KCNQ5: variants seen among roughly 807,000 people sequenced by gnomAD.
KCNQ5 encodes the protein potassium voltage-gated channel subfamily KQT member 5.
KCNQ5 carries 30 observed loss-of-function variants against 98.2 expected under a neutral mutation model. That is an observed-to-expected ratio of 0.31 (90% CI 0.23 to 0.41). KCNQ5 has a LOEUF of 0.41. Ranked by LOEUF, KCNQ5 falls within the 10% of genes least tolerant of loss-of-function variation. The pLI is 1.00. For synonymous variants in KCNQ5, 458 were observed against 449.4 expected (o/e 1.02, Z -0.24); for missense variants, 835 against 1,182.5 (o/e 0.71, Z 4.31).
intron 12 of KCNQ5, 49 bp downstream of exon 12, chr6:73,190,753 A>T (rs761746564): frequency 9.0e-6 from 12 of 1,329,708 alleles, no homozygotes; most frequent in Non-Finnish European, 1.1e-5. Context: ...CATAGAACCT[A>T]TCTAGGAAGA....
intron 1 of KCNQ5, among the ~76,000 whole-genome samples, chr6:72,665,670 T>C (rs2154473111): frequency 6.6e-6 from 1 of 152,330 alleles, no homozygotes; most frequent in South Asian, 2.1e-4. Context: ...ACTATATTTT[T>C]CATGGATAGT....
In KCNQ5 at chr6:73,198,211, G is replaced by A. The variant is rs1297536655; in HGVS notation, c.*2797G>A. On this transcript the variant is annotated 3_prime_UTR_variant, in exon 14 of 14. Transcript: ENST00000370398. ...GTGTGTCTGCCTTCTTCAACATGTA[G>A]GGTTGATCAAGCTAATACTTAATTG... The A allele has an allele frequency of 6.6e-6, 1 of 152,138 alleles. No individual in the cohort carries two copies. The highest frequency in any genetic ancestry group is 1.5e-5 in the Non-Finnish European group (1 of 68,036). The allele number at this position is 152,138 out of a possible 1,614,324, so 9.4% of individuals were successfully genotyped here.
At chr6:72,850,332 A>G (rs1777201192) in intron 1 of KCNQ5, among the ~76,000 whole-genome samples, 1 of 152,352 alleles carries the variant, frequency 6.6e-6, no homozygotes, top group African/African-American at 2.4e-5. Flanking sequence ...GGCACGATCT[A>G]TAATGGCATT....
chr6:72,880,454 C>T (rs1778595132), intron 1 of KCNQ5, among the ~76,000 whole-genome samples: 1 of 152,180 alleles, frequency 6.6e-6, no homozygotes, highest in South Asian at 2.1e-4. Context: ...AAAGGCCCAA[C>T]CTCCAAATAT....
chr6:72,645,223 A>AC (rs1554681989), intron 1 of KCNQ5, among the ~76,000 whole-genome samples: 1 of 150,994 alleles, frequency 6.6e-6, no homozygotes, highest in Non-Finnish European at 1.5e-5. Flanking sequence ...ACAAAAAAAA[A>AC]CAAAAAAAAC....
chr6:72,880,408 T>G (rs1778592822), intron 1 of KCNQ5, among the ~76,000 whole-genome samples: 1 of 152,162 alleles, frequency 6.6e-6, no homozygotes, highest in African/African-American at 2.4e-5. Context: ...CTAGTCCCAT[T>G]CATGAGGCTT....
At chr6:73,130,882 G>A (rs1278194716) in intron 9 of KCNQ5, among the ~76,000 whole-genome samples, 1 of 152,164 alleles carries the variant, frequency 6.6e-6, no homozygotes, top group Non-Finnish European at 1.5e-5. Flanking sequence ...TATGTCAAAA[G>A]AGAAAGTGAA....
intron 1 of KCNQ5, among the ~76,000 whole-genome samples, chr6:72,687,630 C>T (rs1209818557): frequency 6.6e-6 from 1 of 152,138 alleles, no homozygotes; most frequent in Non-Finnish European, 1.5e-5. Context: ...AAGTGCTAGG[C>T]AAATGATGGA....
chr6:73,169,947 C>G, intron 11 of KCNQ5, 93 bp downstream of exon 11: 1 of 780,220 alleles, frequency 1.3e-6, no homozygotes, highest in South Asian at 1.5e-5. Flanking sequence ...AGGTAAATAT[C>G]CTGGAATAAC....
intron 10 of KCNQ5, among the ~76,000 whole-genome samples, chr6:73,160,877 AT>A (rs34460514): frequency 0.67 from 101,867 of 151,534 alleles, 35,242 homozygotes; most frequent in East Asian, 0.89. Flanking sequence ...CATTATTGGG[AT>A]TTTTTTTTTA....
At chr6:73,088,044 T>C (rs1229715257) in intron 5 of KCNQ5, among the ~76,000 whole-genome samples, 3 of 138,270 alleles carry the variant, frequency 2.2e-5, no homozygotes, top group African/African-American at 7.8e-5. Flanking sequence ...TTTTTCCAGA[T>C]GGAGTTTCAC....
intron 1 of KCNQ5, among the ~76,000 whole-genome samples, chr6:72,786,494 AT>A (rs1304770420): frequency 6.6e-6 from 1 of 152,192 alleles, no homozygotes; most frequent in African/African-American, 2.4e-5. Context: ...AGCTCACATC[AT>A]TTGGGAATGG....
chr6:72,817,251 C>T (rs951928990), intron 1 of KCNQ5, among the ~76,000 whole-genome samples: 1 of 152,102 alleles, frequency 6.6e-6, no homozygotes, highest in Non-Finnish European at 1.5e-5. Context: ...ACATTTGCTA[C>T]TATATATTGA....
At chr6:72,877,154 G>C (rs1778438008) in intron 1 of KCNQ5, among the ~76,000 whole-genome samples, 1 of 152,006 alleles carries the variant, frequency 6.6e-6, no homozygotes, top group South Asian at 2.1e-4. Context: ...CTATCAACCT[G>C]TCATCTAGGT....
At chr6:72,750,227 T>C (rs1771607486) in intron 1 of KCNQ5, among the ~76,000 whole-genome samples, 1 of 152,090 alleles carries the variant, frequency 6.6e-6, no homozygotes, top group East Asian at 1.9e-4. Context: ...TGTGTTCAAA[T>C]GTACTAACTC....
intron 1 of KCNQ5, among the ~76,000 whole-genome samples, chr6:72,835,399 C>T (rs1776461419): frequency 6.6e-6 from 1 of 152,026 alleles, no homozygotes; most frequent in Non-Finnish European, 1.5e-5. Flanking sequence ...TTGGTCGAGG[C>T]CATTTTTCCC....
chr6:73,051,296 G>A (rs562733768), intron 3 of KCNQ5, among the ~76,000 whole-genome samples: 1 of 152,050 alleles, frequency 6.6e-6, no homozygotes, highest in South Asian at 2.1e-4. Flanking sequence ...ACCAGCATGA[G>A]CGTGCACATG....
intron 1 of KCNQ5, among the ~76,000 whole-genome samples, chr6:72,797,318 C>T (rs11966403): frequency 0.011 from 1,684 of 151,936 alleles, 27 homozygotes; most frequent in African/African-American, 0.038. Context: ...AGCCTGGGAA[C>T]ATGGCAAAAA....
Position 73,195,516 on chromosome 6 carries a change from GGAA to G in KCNQ5, c.*106_*108del, listed in dbSNP as rs1765762540. On this transcript the variant is annotated 3_prime_UTR_variant, in exon 14 of 14. Transcript: ENST00000370398. Reference sequence around the variant, plus strand: ...TAAAAAGTTGAAATTGCAAGAATCGGGAAGAACATGAAAGGCAGTTTATAAGCC... The same window carrying G: ...TAAAAAGTTGAAATTGCAAGAATCGGGAACATGAAAGGCAGTTTATAAGCC... 1 of 1,420,488 alleles carries G rather than the reference GGAA, an allele frequency of 7.0e-7. No homozygotes were observed. The highest frequency in any genetic ancestry group is 1.4e-5 in the African/African-American group (1 of 70,174). The allele number at this position is 1,420,488 out of a possible 1,614,324, so 88.0% of individuals were successfully genotyped here.
Sources: allele counts gnomAD v4.1 joint callset (sites outside exome capture counted in the v4.1 genomes callset), GRCh38; gene constraint gnomAD v4.1.1; transcripts MANE v1.5; gene names NCBI Gene and HGNC (gene_info 2026-07-23, HGNC 2026-07-21).